Variants in CNTN1 observed in about 807,000 individuals in gnomAD.
The protein encoded by CNTN1 is contactin 1.
A neutral mutation model predicts 126.4 loss-of-function variants in CNTN1; 38 were observed. The observed-to-expected ratio is 0.30, with a 90% CI of 0.23 to 0.39. The LOEUF is 0.39. Among genes scored for constraint, CNTN1 ranks in the 10% least tolerant of loss-of-function variants. The pLI, the probability that CNTN1 is intolerant of heterozygous loss-of-function variation, is 1.00. For synonymous variants in CNTN1, 413 were observed against 422.6 expected (o/e 0.98, Z 0.28); for missense variants, 1,009 against 1,248.4 (o/e 0.81, Z 2.89).
chr12:40,999,099 C>T (rs1195334606), intron 17 of CNTN1, among the ~76,000 whole-genome samples: 5 of 152,012 alleles, frequency 3.3e-5, no homozygotes. Context: ...AAATTGGCAG[C>T]ATTAATTTCT....
intron 1 of CNTN1, among the ~76,000 whole-genome samples, chr12:40,695,474 C>G (rs1400194800): frequency 1.3e-5 from 2 of 152,092 alleles, no homozygotes; most frequent in African/African-American, 4.8e-5. Context: ...CTGAAATAGA[C>G]AATTTATATT....
At chr12:40,830,789 GTGTA>G (rs1313442607) in intron 1 of CNTN1, among the ~76,000 whole-genome samples, 9 of 46,982 alleles carry the variant, frequency 1.9e-4, no homozygotes, top group Non-Finnish European at 4.0e-5. Flanking sequence ...AGAAAGTATA[GTGTA>G]TATATATATA....
chr12:40,988,126 C>T (rs1948010005), intron 16 of CNTN1, among the ~76,000 whole-genome samples: 1 of 152,090 alleles, frequency 6.6e-6, no homozygotes. Flanking sequence ...ATGGCTCCTT[C>T]CAGAGTCCTG....
At chr12:40,934,453 T>C (rs1047331621) in intron 9 of CNTN1, among the ~76,000 whole-genome samples, 12 of 151,618 alleles carry the variant, frequency 7.9e-5, no homozygotes, top group Non-Finnish European at 1.0e-4. Flanking sequence ...TTGACAAAAT[T>C]ATCATGGCAC....
At chr12:40,910,008 A>G (rs1171909812) in intron 2 of CNTN1, 65 bp from the exon 3 acceptor site, 3 of 1,210,030 alleles carry the variant, frequency 2.5e-6, no homozygotes, top group African/African-American at 1.5e-5. Context: ...CTATTTAAGT[A>G]ATGTTTGAAA....
intron 1 of CNTN1, among the ~76,000 whole-genome samples, chr12:40,698,534 C>T (rs555902732): frequency 1.3e-5 from 2 of 152,190 alleles, no homozygotes; most frequent in South Asian, 4.2e-4. Context: ...CCATGACCGG[C>T]CATGAGACCA....
chr12:40,978,064 A>C (rs2137061115), intron 15 of CNTN1, among the ~76,000 whole-genome samples: 1 of 152,162 alleles, frequency 6.6e-6, no homozygotes, highest in African/African-American at 2.4e-5. Context: ...TGGCCTCCAA[A>C]GTGCTGGGAT....
chr12:40,899,580 G>A (rs1382920824), intron 1 of CNTN1, among the ~76,000 whole-genome samples: 1 of 152,144 alleles, frequency 6.6e-6, no homozygotes, highest in Non-Finnish European at 1.5e-5. Flanking sequence ...TGTGTTGGCT[G>A]AACGTGTGGC....
chr12:40,836,173 T>C (rs1942051742), intron 1 of CNTN1, among the ~76,000 whole-genome samples: 1 of 147,928 alleles, frequency 6.8e-6, no homozygotes, highest in Non-Finnish European at 1.5e-5. Context: ...TAATCGTATA[T>C]ATGTGTATAT....
At chr12:41,021,812 C>T (rs919829811) in intron 20 of CNTN1, among the ~76,000 whole-genome samples, 8 of 151,904 alleles carry the variant, frequency 5.3e-5, no homozygotes, top group Admixed American at 1.3e-4. Context: ...ATTGTGTTTG[C>T]GGCTAGTAGG....
intron 1 of CNTN1, among the ~76,000 whole-genome samples, chr12:40,866,384 T>C (rs1204795637): frequency 2.0e-5 from 3 of 152,174 alleles, no homozygotes; most frequent in Non-Finnish European, 2.9e-5. Context: ...CTTTGTCTTA[T>C]TCCTGATCAT....
At chr12:40,703,898 C>G (rs1941666560) in intron 1 of CNTN1, among the ~76,000 whole-genome samples, 1 of 152,028 alleles carries the variant, frequency 6.6e-6, no homozygotes, top group Admixed American at 6.6e-5. Context: ...CTCTTGCCTT[C>G]AAGAGTCTTC....
intron 1 of CNTN1, among the ~76,000 whole-genome samples, chr12:40,820,075 G>A (rs1291333139): frequency 6.6e-6 from 1 of 152,206 alleles, no homozygotes; most frequent in East Asian, 1.9e-4. Flanking sequence ...TAAGAAGCAT[G>A]GCACTAGCAG....
At chr12:40,959,382 G>A in intron 15 of CNTN1, 148 bp downstream of exon 15, 4 of 848,374 alleles carry the variant, frequency 4.7e-6, no homozygotes, top group Admixed American at 4.2e-5. Context: ...TTCTTCCCAT[G>A]CCTAAGAATG....
chr12:40,933,364 T>C (rs1366048962), intron 7 of CNTN1, 97 bp from the exon 8 acceptor site: 1 of 873,532 alleles, frequency 1.1e-6, no homozygotes, highest in African/African-American at 1.7e-5. Flanking sequence ...AAAGCTTCCA[T>C]GTTGGAGCAG....
At chr12:40,866,361 G>A (rs1943299452) in intron 1 of CNTN1, among the ~76,000 whole-genome samples, 1 of 152,052 alleles carries the variant, frequency 6.6e-6, no homozygotes, top group Admixed American at 6.6e-5. Context: ...AGTAGAAGTG[G>A]TGAAAGAGAC....
intron 19 of CNTN1, among the ~76,000 whole-genome samples, chr12:41,019,154 C>G (rs967585418): frequency 6.6e-5 from 10 of 152,098 alleles, no homozygotes; most frequent in Non-Finnish European, 1.5e-4. Flanking sequence ...GAAACTCCAT[C>G]TCAAAAACAA....
rs1411259839 is a variant in CNTN1 at position 40,837,377 on chromosome 12, A to AGGGATTAGGT, written c.-76-70979_-76-70978insGGATTAGGTG. 3.9e-5 allele frequency among the ~76,000 whole-genome samples: 6 copies of AGGGATTAGGT among 152,280 alleles called. No homozygotes were observed. In the East Asian group the frequency reaches 1.2e-3, roughly 29 times the overall value. On this transcript the variant is annotated intron_variant, in intron 1 of 23. Coordinates refer to ENST00000551295, the MANE Select transcript of CNTN1 (RefSeq NM_001843.4). ...AGCTGGAAGCTGGGAGTGACTTCCC[A>AGGGATTAGGT]GCCCAGGGATTAGGTGAGCAAGACA...
intron 17 of CNTN1, among the ~76,000 whole-genome samples, chr12:41,003,887 G>A (rs898717247): frequency 6.6e-6 from 1 of 151,600 alleles, no homozygotes; most frequent in Non-Finnish European, 1.5e-5. Context: ...TTTTTCCAAA[G>A]CACCAGCTCC....
Sources: allele counts gnomAD v4.1 joint callset (sites outside exome capture counted in the v4.1 genomes callset), GRCh38; gene constraint gnomAD v4.1.1; transcripts MANE v1.5; gene names NCBI Gene and HGNC (gene_info 2026-07-23, HGNC 2026-07-21).